The following XKR6 variants were observed in gnomAD, a reference collection of about 807,000 sequenced individuals.
The protein encoded by XKR6 is XK related 6, also known as XK-related protein 6.
XKR6 carries 22 observed loss-of-function variants against 56.7 expected under a neutral mutation model. The ratio of observed to expected loss-of-function variants is 0.39; its 90% CI spans 0.28 to 0.55. XKR6 has a LOEUF of 0.55. XKR6 is among the 20% of genes least tolerant of loss of function. The pLI is 0.66. For missense variants in XKR6, 852 were observed against 889.0 expected (o/e 0.96, Z 0.53); for synonymous variants, 524 against 387.8 (o/e 1.35, Z -4.13).
In XKR6 at chr8:11,131,403, G is replaced by A. The variant is rs564463200; in HGVS notation, c.764+69173C>T. 4.6e-5 allele frequency among the ~76,000 whole-genome samples: 7 copies of A among 152,162 alleles called. No homozygotes were observed. The East Asian group carries it at 1.2e-3, about 25-fold the overall frequency. ...GAGTAATTAACATAGAAGGCATGAT[G>A]AAATCATTTTTTTTGAGTTTTTCTT... On this transcript the variant is annotated intron_variant, in intron 1 of 2. Transcript: ENST00000416569.
At chr8:10,994,240 T>C (rs1798059113) in intron 1 of XKR6, among the ~76,000 whole-genome samples, 1 of 152,246 alleles carries the variant, frequency 6.6e-6, no homozygotes, top group Non-Finnish European at 1.5e-5. Flanking sequence ...CCCTGAGCTT[T>C]TCGTGCACCT....
At chr8:10,974,202 G>A (rs1563321490) in intron 1 of XKR6, among the ~76,000 whole-genome samples, 2 of 152,194 alleles carry the variant, frequency 1.3e-5, no homozygotes, top group South Asian at 2.1e-4. Context: ...ATGCTGGTGG[G>A]CTCCCACATG....
intron 1 of XKR6, among the ~76,000 whole-genome samples, chr8:11,007,033 C>A (rs1798385806): frequency 6.6e-6 from 1 of 152,190 alleles, no homozygotes; most frequent in Non-Finnish European, 1.5e-5. Flanking sequence ...AGGAACCCTA[C>A]CAGTTGGCTT....
At chr8:11,022,310 C>T (rs1798765944) in intron 1 of XKR6, among the ~76,000 whole-genome samples, 1 of 152,012 alleles carries the variant, frequency 6.6e-6, no homozygotes, top group South Asian at 2.1e-4. Flanking sequence ...CCCCATTGTT[C>T]CACCTGGGTG....
chr8:11,182,533 T>C lies in XKR6; in HGVS notation c.764+18043A>G, dbSNP rs529511153. ...GGCCAGGACACTGATAAGAGGCATATCTTGAAGTCAGATGGGTCACCTGTG... is the reference window on the plus strand; with the variant it reads ...GGCCAGGACACTGATAAGAGGCATACCTTGAAGTCAGATGGGTCACCTGTG... On this transcript the variant is annotated intron_variant, in intron 1 of 2. Coordinates refer to ENST00000416569, the MANE Select transcript of XKR6 (RefSeq NM_173683.4). Among the ~76,000 whole-genome samples, 108 of 152,332 alleles carry C rather than the reference T, an allele frequency of 7.1e-4. 1 individual carries two copies. The Middle Eastern group carries it at 0.01, about 14-fold the overall frequency.
intron 1 of XKR6, among the ~76,000 whole-genome samples, chr8:11,158,356 A>G (rs917061731): frequency 6.6e-6 from 1 of 152,240 alleles, no homozygotes; most frequent in African/African-American, 2.4e-5. Context: ...GTACCAGAGA[A>G]AGAAAACAGC....
At chr8:10,924,928 C>T (rs1286651486) in intron 1 of XKR6, 98 bp from the exon 2 acceptor site, 9 of 1,317,228 alleles carry the variant, frequency 6.8e-6, no homozygotes, top group South Asian at 4.2e-5. Context: ...CTCAGCATCC[C>T]CCCAACTCCC....
intron 2 of XKR6, among the ~76,000 whole-genome samples, chr8:10,917,430 G>A (rs967687674): frequency 6.6e-6 from 1 of 152,234 alleles, no homozygotes; most frequent in African/African-American, 2.4e-5. Context: ...ACATGTCGAG[G>A]TCTGCTTTTG....
chr8:11,186,504 C>A (rs959752623), intron 1 of XKR6, among the ~76,000 whole-genome samples: 1 of 152,162 alleles, frequency 6.6e-6, no homozygotes, highest in African/African-American at 2.4e-5. Flanking sequence ...AGCCTCCCAA[C>A]TAGCTGGGAA....
intron 1 of XKR6, among the ~76,000 whole-genome samples, chr8:10,986,270 T>G (rs1045973851): frequency 6.4e-4 from 98 of 152,364 alleles, no homozygotes; most frequent in African/African-American, 2.3e-3. Flanking sequence ...GTATGTATTC[T>G]AAATAAATTT....
At chr8:11,131,696 T>C (rs13276708) in intron 1 of XKR6, among the ~76,000 whole-genome samples, 54,383 of 152,054 alleles carry the variant, frequency 0.36, 10,555 homozygotes, top group African/African-American at 0.43. Flanking sequence ...GGACCACATA[T>C]CTAATGGTGG....
At chr8:11,009,412 G>A (rs1465170365) in intron 1 of XKR6, among the ~76,000 whole-genome samples, 1 of 152,162 alleles carries the variant, frequency 6.6e-6, no homozygotes, top group Non-Finnish European at 1.5e-5. Flanking sequence ...TTGGGAGGCT[G>A]AGGTGGCAGG....
chr8:11,021,784 T>A (rs77137210), intron 1 of XKR6, among the ~76,000 whole-genome samples: 4,629 of 152,282 alleles, frequency 0.03, 126 homozygotes, highest in Non-Finnish European at 0.044. Context: ...GACAGCCTCC[T>A]GAGATACTAA....
intron 1 of XKR6, among the ~76,000 whole-genome samples, chr8:11,171,557 G>T (rs1221000127): frequency 6.6e-6 from 1 of 152,162 alleles, no homozygotes; most frequent in Admixed American, 6.5e-5. Context: ...CCCCACGGGA[G>T]CTGGTTGTTA....
rs906962515 is a variant in XKR6 at position 11,016,747 on chromosome 8, A to T, written c.765-91917T>A. ...CGTCCTGGCCTGCGCTTGCTCCCCAACCCCTCCTTGCCCCGCTCTGAGCCG... is the reference window on the plus strand; with the variant it reads ...CGTCCTGGCCTGCGCTTGCTCCCCATCCCCTCCTTGCCCCGCTCTGAGCCG... On this transcript the variant is annotated intron_variant, in intron 1 of 2. Transcript: ENST00000416569. Among the ~76,000 whole-genome samples, 113 of 149,910 alleles carry T rather than the reference A, an allele frequency of 7.5e-4. 1 individual carries two copies. Among genetic ancestry groups the T allele is most frequent in the African/African-American group, 1.2e-4 (5 of 40,626 alleles).
chr8:11,009,610 T>C (rs1366069655), intron 1 of XKR6, among the ~76,000 whole-genome samples: 3 of 152,160 alleles, frequency 2.0e-5, no homozygotes, highest in Non-Finnish European at 4.4e-5. Context: ...GTCCCAGATC[T>C]TCTGTAAAAT....
chr8:11,049,860 C>G (rs1159811150), intron 1 of XKR6, among the ~76,000 whole-genome samples: 1 of 152,228 alleles, frequency 6.6e-6, no homozygotes, highest in Non-Finnish European at 1.5e-5. Flanking sequence ...ACAGCGCATA[C>G]ACACAGCCAG....
chr8:11,114,927 C>T (rs1799098468), intron 1 of XKR6, among the ~76,000 whole-genome samples: 1 of 152,152 alleles, frequency 6.6e-6, no homozygotes, highest in Non-Finnish European at 1.5e-5. Context: ...AAATAAGGCA[C>T]TCACTCATTC....
intron 1 of XKR6, among the ~76,000 whole-genome samples, chr8:11,128,392 T>C (rs893028255): frequency 6.6e-6 from 1 of 152,206 alleles, no homozygotes; most frequent in Admixed American, 6.5e-5. Flanking sequence ...TTTATAGGTC[T>C]CAGTCAGACC....
Sources: gnomAD v4.1 joint callset for allele counts (sites outside exome capture counted in the v4.1 genomes callset) on GRCh38, gnomAD v4.1.1 for gene constraint, MANE v1.5 for transcripts, NCBI Gene and HGNC (gene_info 2026-07-23, HGNC 2026-07-21) for gene names.